Variants in C1orf21 observed in about 807,000 individuals in gnomAD.
C1orf21 encodes the protein uncharacterized protein C1orf21.
C1orf21 carries 3 observed loss-of-function variants against 18.7 expected under a neutral mutation model. The ratio of observed to expected loss-of-function variants is 0.16; its 90% CI spans 0.07 to 0.42. The LOEUF (loss-of-function observed/expected upper bound fraction) is 0.42. Among genes scored for constraint, C1orf21 ranks in the 10% least tolerant of loss-of-function variants. The pLI, the probability that C1orf21 is intolerant of heterozygous loss-of-function variation, is 0.99. For missense variants in C1orf21, 104 were observed against 143.6 expected (o/e 0.72, Z 1.41); for synonymous variants, 41 against 46.4 (o/e 0.88, Z 0.47).
intron 3 of C1orf21, among the ~76,000 whole-genome samples, chr1:184,572,042 C>T (rs1446281354): frequency 6.6e-6 from 1 of 152,158 alleles, no homozygotes; most frequent in African/African-American, 2.4e-5. Flanking sequence ...GGACTTGTGC[C>T]TGGCATTTCA....
intron 1 of C1orf21, among the ~76,000 whole-genome samples, chr1:184,463,171 A>G (rs1316679096): frequency 6.6e-6 from 1 of 151,902 alleles, no homozygotes; most frequent in Non-Finnish European, 1.5e-5. Context: ...GAGCTGTGGC[A>G]TCAGCTCAGC....
intron 1 of C1orf21, among the ~76,000 whole-genome samples, chr1:184,423,859 GTCCATCCATCCA>G (rs3033528): frequency 4.0e-4 from 59 of 147,072 alleles, no homozygotes; most frequent in East Asian, 1.2e-3. Context: ...TCCACCCATC[GTCCATCCATCCA>G]TCCATCCATC....
At chr1:184,481,352 TCTC>T (rs1366030009) in intron 2 of C1orf21, among the ~76,000 whole-genome samples, 4 of 152,078 alleles carry the variant, frequency 2.6e-5, no homozygotes, top group Non-Finnish European at 5.9e-5. Context: ...GGGGGCATGA[TCTC>T]CTTTCACAGA....
At chr1:184,509,977 C>T (rs1658120799) in intron 3 of C1orf21, among the ~76,000 whole-genome samples, 1 of 152,120 alleles carries the variant, frequency 6.6e-6, no homozygotes, top group South Asian at 2.1e-4. Flanking sequence ...GCCTCATAGT[C>T]CTGTTGTGAG....
chr1:184,410,774 C>A (rs1313972575), intron 1 of C1orf21, among the ~76,000 whole-genome samples: 2 of 125,498 alleles, frequency 1.6e-5, no homozygotes, highest in Non-Finnish European at 3.1e-5. Context: ...AAGTGATTCT[C>A]CTGCCTCAGC....
chr1:184,471,946 T>G (rs919843890), intron 1 of C1orf21, among the ~76,000 whole-genome samples: 7 of 152,104 alleles, frequency 4.6e-5, no homozygotes, highest in African/African-American at 1.7e-4. Flanking sequence ...TGACATCTCT[T>G]TATGTATTAT....
intron 1 of C1orf21, among the ~76,000 whole-genome samples, chr1:184,469,269 A>C (rs1657455569): frequency 6.6e-6 from 1 of 151,918 alleles, no homozygotes; most frequent in Non-Finnish European, 1.5e-5. Flanking sequence ...ACAAACGAAC[A>C]AAAAAAACTA....
In C1orf21 at chr1:184,496,529, T is replaced by C. The variant is rs535726884; in HGVS notation, c.95-11059T>C. Among the ~76,000 whole-genome samples the C allele has an allele frequency of 3.8e-4, 58 of 152,354 alleles. No homozygotes were observed. The East Asian group carries it at 7.7e-3, about 20-fold the overall frequency. On this transcript the variant is annotated intron_variant, in intron 2 of 5. Coordinates refer to ENST00000235307, the MANE Select transcript of C1orf21 (RefSeq NM_030806.4). ...GCTTGATCAGGTGAAAAGATCTCTTTGCACCTTGTATGTGCTGCTTCAGTT... is the reference window on the plus strand; with the variant it reads ...GCTTGATCAGGTGAAAAGATCTCTTCGCACCTTGTATGTGCTGCTTCAGTT...
intron 2 of C1orf21, among the ~76,000 whole-genome samples, chr1:184,480,905 C>G (rs1657644901): frequency 6.6e-6 from 1 of 152,134 alleles, no homozygotes; most frequent in Non-Finnish European, 1.5e-5. Flanking sequence ...GTATAGTGGC[C>G]TTTGTCTCAA....
chr1:184,533,160 C>T (rs1658493778), intron 3 of C1orf21, among the ~76,000 whole-genome samples: 1 of 152,056 alleles, frequency 6.6e-6, no homozygotes, highest in African/African-American at 2.4e-5. Flanking sequence ...TTCCCTCTGG[C>T]TCAAGCTCTG....
In C1orf21 at chr1:184,628,594, T is replaced by G. The variant is rs890602009; in HGVS notation, c.*9038T>G. On this transcript the variant is annotated 3_prime_UTR_variant, in exon 6 of 6. Coordinates refer to ENST00000235307, the MANE Select transcript of C1orf21 (RefSeq NM_030806.4). ...AATCTGGGAGATGAGGAAAGAAAAC[T>G]CACTCACAAACAACATAAATGTAAA... 2.6e-5 allele frequency: 4 copies of G among 152,572 alleles called. No individual in the cohort carries two copies. Among genetic ancestry groups the G allele is most frequent in the Non-Finnish European group, 5.9e-5 (4 of 68,030 alleles). 9.5% of individuals were successfully genotyped at this position (152,572 alleles called of 1,614,324 possible).
chr1:184,614,264 T>C (rs887779397), intron 5 of C1orf21, among the ~76,000 whole-genome samples: 3 of 152,244 alleles, frequency 2.0e-5, no homozygotes, highest in Non-Finnish European at 4.4e-5. Context: ...ATGTATATGC[T>C]TAATTCCCAC....
At chr1:184,419,312 G>A (rs1656509214) in intron 1 of C1orf21, among the ~76,000 whole-genome samples, 1 of 152,144 alleles carries the variant, frequency 6.6e-6, no homozygotes, top group Non-Finnish European at 1.5e-5. Context: ...TTCACTAAAC[G>A]GTGGCAGTCA....
chr1:184,560,713 G>A (rs1658952288), intron 3 of C1orf21, among the ~76,000 whole-genome samples: 1 of 152,120 alleles, frequency 6.6e-6, no homozygotes, highest in South Asian at 2.1e-4. Context: ...GGCCCCAAGA[G>A]CAGGCTCTCC....
At position 184,622,741 on chromosome 1, in the gene C1orf21, C is replaced by T. The variant is rs1368517501; in HGVS notation, c.*3185C>T. 2.0e-5 allele frequency: 3 copies of T among 152,688 alleles called. No homozygotes were observed. The highest frequency in any genetic ancestry group is 7.2e-5 in the African/African-American group (3 of 41,452). 9.5% of individuals were successfully genotyped at this position (152,688 alleles called of 1,614,324 possible). A position where few individuals can be genotyped will look rare whatever the true frequency, so the allele number is the denominator to read the frequency against. On this transcript the variant is annotated 3_prime_UTR_variant, in exon 6 of 6. Coordinates refer to ENST00000235307, the MANE Select transcript of C1orf21 (RefSeq NM_030806.4). ...CGTCCACAGTGCCCATCATCTGAGCCTGGGCTGGGATGACTCAACTTAGCA... is the reference window on the plus strand; with the variant it reads ...CGTCCACAGTGCCCATCATCTGAGCTTGGGCTGGGATGACTCAACTTAGCA...
chr1:184,497,903 C>T (rs1264445003), intron 2 of C1orf21, among the ~76,000 whole-genome samples: 1 of 152,146 alleles, frequency 6.6e-6, no homozygotes, highest in African/African-American at 2.4e-5. Flanking sequence ...CTGAAGCCTG[C>T]CCCTCCAAGA....
intron 1 of C1orf21, among the ~76,000 whole-genome samples, chr1:184,444,920 GT>G (rs1657005943): frequency 6.6e-6 from 1 of 152,114 alleles, no homozygotes; most frequent in South Asian, 2.1e-4. Context: ...CTCTCCTGTT[GT>G]ATCCTCAGCG....
chr1:184,478,978 GTA>G (rs1657613186), intron 2 of C1orf21, among the ~76,000 whole-genome samples: 1 of 51,548 alleles, frequency 1.9e-5, no homozygotes, highest in South Asian at 5.2e-4. Context: ...TTGGTTCATT[GTA>G]ATGATTGTTT....
intron 1 of C1orf21, among the ~76,000 whole-genome samples, chr1:184,394,499 G>A (rs1409563397): frequency 2.0e-5 from 3 of 152,156 alleles, no homozygotes; most frequent in African/African-American, 7.2e-5. Flanking sequence ...ACCATGACAT[G>A]CATGCATATC....
Sources: allele counts gnomAD v4.1 joint callset (sites outside exome capture counted in the v4.1 genomes callset), GRCh38; gene constraint gnomAD v4.1.1; transcripts MANE v1.5; gene names NCBI Gene and HGNC (gene_info 2026-07-23, HGNC 2026-07-21).